TARM1: variants seen among roughly 807,000 people sequenced by gnomAD.
TARM1 encodes T cell-interacting, activating receptor on myeloid cells 1.
TARM1 carries 24 observed loss-of-function variants against 30.4 expected under a neutral mutation model. That is an observed-to-expected ratio of 0.79 (90% CI 0.57 to 1.11). TARM1 has a LOEUF of 1.11. Among genes scored for constraint, TARM1 ranks in the 50% least tolerant of loss-of-function variants. The pLI, the probability that TARM1 is intolerant of heterozygous loss-of-function variation, is 0.00. For synonymous variants in TARM1, 129 were observed against 138.9 expected (o/e 0.93, Z 0.50); for missense variants, 323 against 332.8 (o/e 0.97, Z 0.23).
chr19:54,077,099 C>A (rs2071974194), intron 1 of TARM1, among the ~76,000 whole-genome samples: 1 of 151,906 alleles, frequency 6.6e-6, no homozygotes, highest in Non-Finnish European at 1.5e-5. Context: ...AACTCTTGAC[C>A]ATGCCGGGCG....
At chr19:54,076,326 T>TTC (rs1290460551) in intron 1 of TARM1, 63 of 562,348 alleles carry the variant, frequency 1.1e-4, no homozygotes, top group East Asian at 2.6e-4. Context: ...CTTTCTTTCT[T>TTC]TTTCTTTCTT....
chr19:54,069,984 GC>G lies in TARM1; in HGVS notation c.*18del. Reference sequence around the variant, plus strand: ...GCAGGTTGCAGCCTCAGTTTACCCAGCCCCGGTTCAAGATGGAGTCACTCTG... The same window carrying G: ...GCAGGTTGCAGCCTCAGTTTACCCAGCCCGGTTCAAGATGGAGTCACTCTG... On this transcript the variant is annotated 3_prime_UTR_variant, in exon 5 of 5. Coordinates refer to ENST00000432826, the MANE Select transcript of TARM1 (RefSeq NM_001135686.3). The G allele has an allele frequency of 6.5e-7, 1 of 1,543,076 alleles. No individual in the cohort carries two copies. The highest frequency in any genetic ancestry group is 8.8e-7 in the Non-Finnish European group (1 of 1,140,032).
intron 1 of TARM1, chr19:54,076,134 TG>T: frequency 6.8e-7 from 1 of 1,478,808 alleles, no homozygotes; most frequent in Non-Finnish European, 8.9e-7. Context: ...CCATCCTGTG[TG>T]GCTGTCACCT....
rs1466935816 is a variant in TARM1 at position 54,074,168 on chromosome 19, G to C, written c.410C>G (p.Thr137Ser). 7 of 1,551,692 alleles carry C rather than the reference G, an allele frequency of 4.5e-6. No homozygotes were observed. Among genetic ancestry groups the C allele is most frequent in the Non-Finnish European group, 6.1e-6 (7 of 1,146,984 alleles). Reference sequence around the variant, plus strand: ...CTGCAGAGTCACCCTTCCACCTGCGGTCACTGTACCCCTTTGGTAGGTTCG... The same window carrying C: ...CTGCAGAGTCACCCTTCCACCTGCGCTCACTGTACCCCTTTGGTAGGTTCG... ...FLRTYQRGTV[T>S]AGGRVTLQCQ... The change falls in exon 4 of 5, where the codon ACC (threonine) becomes AGC (serine). Residue 137 changes from threonine (T) to serine (S), a missense_variant. Thr to Ser is a moderately conservative substitution (Grantham distance 58, BLOSUM62 1). Transcript: ENST00000432826.
chr19:54,075,622 G>A lies in TARM1; in HGVS notation c.70+261C>T, dbSNP rs201942479. Among the ~76,000 whole-genome samples, 8 of 151,520 alleles carry A rather than the reference G, an allele frequency of 5.3e-5. No homozygotes were observed. The South Asian group carries it at 1.0e-3, about 20-fold the overall frequency. On this transcript the variant is annotated intron_variant, in intron 2 of 4. Transcript: ENST00000432826. ...ATCCTGGCCAACATGGTGAAACTCC[G>A]TCTCTACTAAAAATACAAAAATTAG...
intron 1 of TARM1, among the ~76,000 whole-genome samples, chr19:54,080,690 G>T (rs2072108969): frequency 6.6e-6 from 1 of 151,812 alleles, no homozygotes; most frequent in South Asian, 2.1e-4. Flanking sequence ...TAAGGTTTCT[G>T]GGCCAGGCAC....
chr19:54,079,504 G>A (rs2072043521), intron 1 of TARM1, among the ~76,000 whole-genome samples: 1 of 152,154 alleles, frequency 6.6e-6, no homozygotes, highest in African/African-American at 2.4e-5. Context: ...GCTGAGTCGG[G>A]CAGGTTGGCC....
chr19:54,075,798 A>G, intron 2 of TARM1, 85 bp downstream of exon 2: 3 of 1,456,204 alleles, frequency 2.1e-6, no homozygotes, highest in Non-Finnish European at 9.3e-7. Flanking sequence ...TCAAAAAAAA[A>G]AGAGAAAAAG....
In TARM1 at chr19:54,074,357, C is replaced by T. The variant is rs57284771; in HGVS notation, c.362-141G>A. 3,359 of 820,772 alleles carry T rather than the reference C, an allele frequency of 4.1e-3. 52 individuals carry two copies. The highest frequency in any genetic ancestry group is 0.036 in the African/African-American group (2,065 of 58,024). The allele number at this position is 820,772 out of a possible 1,614,324, so 50.8% of individuals were successfully genotyped here. A position where few individuals can be genotyped will look rare whatever the true frequency, so the allele number is the denominator to read the frequency against. ...CTTCTACCTTCCTCCACTTCCTACT[C>T]CGACCCCAGGACAGAGATTCTCCCT... On this transcript the variant is annotated intron_variant, in intron 3 of 4. Coordinates refer to ENST00000432826, the MANE Select transcript of TARM1 (RefSeq NM_001135686.3).
intron 4 of TARM1, among the ~76,000 whole-genome samples, chr19:54,070,818 G>C (rs570655528): frequency 6.6e-6 from 1 of 151,888 alleles, no homozygotes; most frequent in South Asian, 2.1e-4. Flanking sequence ...CTCCATGTTG[G>C]TCAGGCTGGT....
In TARM1 at chr19:54,069,944, TG is replaced by T; in HGVS notation, c.*58del. On this transcript the variant is annotated 3_prime_UTR_variant, in exon 5 of 5. Coordinates refer to ENST00000432826, the MANE Select transcript of TARM1 (RefSeq NM_001135686.3). ...TGTGACTTAGAAAGCCTCAACCCCC[TG>T]GGAATGCAGTCCAGCAGGTTGCAGC... The T allele has an allele frequency of 7.4e-7, 1 of 1,360,272 alleles. No individual in the cohort carries two copies. Among genetic ancestry groups the T allele is most frequent in the Non-Finnish European group, 1.0e-6 (1 of 985,196 alleles). 84.3% of individuals were successfully genotyped at this position (1,360,272 alleles called of 1,614,324 possible). A position where few individuals can be genotyped will look rare whatever the true frequency, so the allele number is the denominator to read the frequency against.
chr19:54,078,178 C>CTTTTTTTTTTTTTTTTTTT (rs869101071), intron 1 of TARM1, among the ~76,000 whole-genome samples: 4 of 67,806 alleles, frequency 5.9e-5, no homozygotes, highest in Non-Finnish European at 1.0e-4. Context: ...TTCTTTCTTT[C>CTTTTTTTTTTTTTTTTTTT]TTTTTTTTTT....
rs1214716877 is a variant in TARM1, at chr19:54,070,219, G to T, written c.659-59C>A. ...AGAGGGTATCCCTCCTTCTCAAATG[G>T]CCCCACCAAATCTGACTATCATCAC... On this transcript the variant is annotated intron_variant, in intron 4 of 4. Coordinates refer to ENST00000432826, the MANE Select transcript of TARM1 (RefSeq NM_001135686.3). The T allele has an allele frequency of 4.6e-6, 7 of 1,511,548 alleles. No individual in the cohort carries two copies. The African/African-American group carries it at 9.8e-5, about 21-fold the overall frequency. 93.6% of individuals were successfully genotyped at this position (1,511,548 alleles called of 1,614,324 possible). A position where few individuals can be genotyped will look rare whatever the true frequency, so the allele number is the denominator to read the frequency against.
In TARM1 at chr19:54,074,188, G is replaced by C. The variant is rs1053105301; in HGVS notation, c.390C>G (p.Thr130=). Residue 130 remains threonine (T), a synonymous_variant, in exon 4 of 5, where the codon ACC becomes ACG. Coordinates refer to ENST00000432826, the MANE Select transcript of TARM1 (RefSeq NM_001135686.3). ...CTGCGGTCACTGTACCCCTTTGGTA[G>C]GTTCGGAGGAAAGGTTTAGATAAAT... ...TGHLSKPFLR[T]YQRGTVTAGG... 2.6e-6 allele frequency: 4 copies of C among 1,551,626 alleles called. No homozygotes were observed. The East Asian group carries it at 9.8e-5, about 38-fold the overall frequency.
intron 4 of TARM1, among the ~76,000 whole-genome samples, 186 bp from the exon 5 acceptor site, chr19:54,070,346 C>G (rs534366148): frequency 2.6e-4 from 40 of 152,178 alleles, no homozygotes; most frequent in African/African-American, 9.2e-4. Flanking sequence ...TCACCACAAC[C>G]TCTGCCTCCC....
At chr19:54,075,211 G>A in intron 2 of TARM1, 97 bp from the exon 3 acceptor site, 1 of 1,056,536 alleles carries the variant, frequency 9.5e-7, no homozygotes, top group Non-Finnish European at 1.3e-6. Flanking sequence ...ATTTTGAGAT[G>A]GAGTCTCCCT....
At chr19:54,072,555 G>A (rs1188320493) in intron 4 of TARM1, among the ~76,000 whole-genome samples, 1 of 151,988 alleles carries the variant, frequency 6.6e-6, no homozygotes, top group Non-Finnish European at 1.5e-5. Flanking sequence ...TGTTGCCCAG[G>A]CTGGTCTCAA....
rs1185350896 is a variant in TARM1, at chr19:54,077,739, G to GTT, written c.35-1823_35-1822dup. ...AATGGGATTTTTCTTCTTTTTCTTC[G>GTT]TTTTTTTTTTTTTTTTTTTTGAGAC... On this transcript the variant is annotated intron_variant, in intron 1 of 4. Transcript: ENST00000432826. Among the ~76,000 whole-genome samples the GTT allele has an allele frequency of 5.2e-3, 617 of 117,576 alleles. 6 individuals are homozygous for GTT. Among genetic ancestry groups the GTT allele is most frequent in the Non-Finnish European group, 7.1e-3 (396 of 55,524 alleles). 77.1% of individuals were successfully genotyped at this position (117,576 alleles called of 152,430 possible).
chr19:54,075,810 G>A, intron 2 of TARM1, 73 bp downstream of exon 2: 2 of 1,475,928 alleles, frequency 1.4e-6, no homozygotes, highest in Non-Finnish European at 1.8e-6. Flanking sequence ...GAGAAAAAGA[G>A]GGGGAAGGGG....
Sources: gnomAD v4.1 joint callset for allele counts (sites outside exome capture counted in the v4.1 genomes callset) on GRCh38, gnomAD v4.1.1 for gene constraint, MANE v1.5 for transcripts, NCBI Gene and HGNC (gene_info 2026-07-23, HGNC 2026-07-21) for gene names.